Variants in FYB1 observed in about 807,000 individuals in gnomAD.
FYB1 encodes the protein FYN binding protein 1.
FYB1 carries 41 observed loss-of-function variants against 94.1 expected under a neutral mutation model. The ratio of observed to expected loss-of-function variants is 0.44; its 90% confidence interval spans 0.34 to 0.57. The LOEUF (loss-of-function observed/expected upper bound fraction) is 0.57. FYB1 is among the 20% of genes least tolerant of loss of function. The pLI is 0.02. For missense variants in FYB1, 1,050 were observed against 976.8 expected, an observed-to-expected ratio of 1.07 and a Z score of -1.00; for synonymous variants, 367 against 353.2, an observed-to-expected ratio of 1.04 and a Z score of -0.44.
At chr5:39,194,283 A>G (rs959892839) in intron 2 of FYB1, among the ~76,000 whole-genome samples, 15 of 152,160 alleles carry the variant, frequency 9.9e-5, no homozygotes, top group African/African-American at 3.6e-4. Flanking sequence ...CACTTTGGGA[A>G]GCTGAGGCAG....
rs552391177 is a variant in FYB1, at chr5:39,133,281, T to C, written c.1817+927A>G. 3.9e-5 allele frequency among the ~76,000 whole-genome samples: 6 copies of C among 152,312 alleles called. No homozygotes were observed. In the East Asian group the frequency reaches 9.6e-4, roughly 24 times the overall value. ...TGAAGAGCTAGCACAGATGATGTTTTTTGGGATCACAATGGAGGTTTCCTA... is the reference window on the plus strand; with the variant it reads ...TGAAGAGCTAGCACAGATGATGTTTCTTGGGATCACAATGGAGGTTTCCTA... On this transcript the variant is annotated intron_variant, in intron 9 of 18. Transcript: ENST00000512982.
At chr5:39,179,548 C>CT (rs11405241) in intron 2 of FYB1, among the ~76,000 whole-genome samples, 79,142 of 139,430 alleles carry the variant, frequency 0.57, 26,021 homozygotes, top group Non-Finnish European at 0.74. Context: ...CTTCTTTTTT[C>CT]TTTTTTTTTT....
rs748204232 is a variant in FYB1 at position 39,138,857 on chromosome 5, A to T, written c.1360-166T>A. 1.5e-4 allele frequency: 100 copies of T among 653,604 alleles called. No individual in the cohort carries two copies. In the African/African-American group the frequency reaches 1.6e-3, roughly 11 times the overall value. 40.5% of individuals were successfully genotyped at this position (653,604 alleles called of 1,614,324 possible). On this transcript the variant is annotated intron_variant, in intron 5 of 18. Coordinates refer to ENST00000512982, the MANE Select transcript of FYB1 (RefSeq NM_001465.6). ...ACTACTTAAAGGAGCCATACTGTGAATTATTTTTGAAAGAATAATTCAAAT... is the reference window on the plus strand; with the variant it reads ...ACTACTTAAAGGAGCCATACTGTGATTTATTTTTGAAAGAATAATTCAAAT...
intron 2 of FYB1, among the ~76,000 whole-genome samples, chr5:39,166,635 A>G (rs1744765344): frequency 6.6e-6 from 1 of 152,162 alleles, no homozygotes; most frequent in African/African-American, 2.4e-5. Context: ...TAAAAAAATA[A>G]AATTATGTCT....
intron 18 of FYB1, 144 bp downstream of exon 18, chr5:39,108,087 G>C (rs955552922): frequency 1.4e-6 from 1 of 697,294 alleles, no homozygotes; most frequent in Non-Finnish European, 2.3e-6. Context: ...CATTATGCCA[G>C]GGCATTTACC....
rs187961837 is a variant in FYB1, at chr5:39,177,980, T to C, written c.1135+23846A>G. Among the ~76,000 whole-genome samples the C allele has an allele frequency of 1.9e-3, 282 of 152,318 alleles. 5 individuals carry two copies. Among genetic ancestry groups the C allele is most frequent in the Admixed American group, 0.017 (253 of 15,300 alleles). On this transcript the variant is annotated intron_variant, in intron 2 of 18. Transcript: ENST00000512982. ...CTACTTCTGCTCTTGTACAGTAAAA[T>C]AGCTTTCCTGCAAACACAAAATATT... is the stretch of plus-strand genomic sequence containing the variant.
chr5:39,229,845 G>T lies in FYB1; in HGVS notation c.-27-26858C>A, dbSNP rs12109526. On this transcript the variant is annotated intron_variant, in intron 1 of 1. Transcript: ENST00000510188. ...TTAAATACACCCAGTGATTCTAAAA[G>T]CTGGCTTCACAAGAGAATAACCTGA... Among the ~76,000 whole-genome samples the T allele has an allele frequency of 6.5e-3, 990 of 152,266 alleles. 14 individuals carry two copies. Among genetic ancestry groups the T allele is most frequent in the African/African-American group, 0.023 (939 of 41,552 alleles).
intron 1 of FYB1, among the ~76,000 whole-genome samples, chr5:39,245,657 G>A (rs1751443688): frequency 6.6e-6 from 1 of 151,592 alleles, no homozygotes; most frequent in Admixed American, 6.6e-5. Flanking sequence ...GGAGTGCAGT[G>A]ATATGATCTC....
chr5:39,248,799 T>C (rs1298264838), intron 1 of FYB1, among the ~76,000 whole-genome samples: 3 of 152,126 alleles, frequency 2.0e-5, no homozygotes, highest in African/African-American at 4.8e-5. Context: ...ATCATGCCAC[T>C]GAACTCCAGC....
In FYB1 at chr5:39,202,773, G is replaced by A. The variant is rs755517005; in HGVS notation, c.188C>T (p.Pro63Leu). Reference protein sequence around the residue: ...NVPKFGSPKPPVAVKPSSEEK... With the variant: ...NVPKFGSPKPLVAVKPSSEEK... ...CTCAGAAGAAGGTTTGACTGCCACAGGTGGCTTTGGGGACCCAAACTTAGG... is the reference window on the plus strand; with the variant it reads ...CTCAGAAGAAGGTTTGACTGCCACAAGTGGCTTTGGGGACCCAAACTTAGG... Residue 63 changes from proline (P) to leucine (L), a missense_variant, in exon 2 of 19, where the codon CCT becomes CTT. Pro to Leu is a moderately conservative substitution (Grantham distance 98, BLOSUM62 -3). Transcript: ENST00000512982. 5 of 1,613,964 alleles carry A rather than the reference G, an allele frequency of 3.1e-6. No homozygotes were observed. The highest frequency in any genetic ancestry group is 4.2e-6 in the Non-Finnish European group (5 of 1,179,884).
At chr5:39,146,291 A>G (rs1742652923) in intron 3 of FYB1, among the ~76,000 whole-genome samples, 2 of 152,036 alleles carry the variant, frequency 1.3e-5, no homozygotes, top group Admixed American at 1.3e-4. Context: ...TAATCATTGC[A>G]TTGCTTCTCT....
At chr5:39,237,532 T>A (rs1305257441) in intron 1 of FYB1, among the ~76,000 whole-genome samples, 1 of 151,966 alleles carries the variant, frequency 6.6e-6, no homozygotes, top group Non-Finnish European at 1.5e-5. Flanking sequence ...CAATAAGATA[T>A]CATCATTTCT....
rs1046535725 is a variant in FYB1 at position 39,264,817 on chromosome 5, C to T, written c.-28+9586G>A. On this transcript the variant is annotated intron_variant, in intron 1 of 1. Coordinates refer to the FYB1 transcript ENST00000510188. ...CAGCCAGAGTAGAGAACTACTGCTT[C>T]AGCCTGAACATCCCCTCATCAGAGA... Among the ~76,000 whole-genome samples, 5 of 152,202 alleles carry T rather than the reference C, an allele frequency of 3.3e-5. No homozygotes were observed. The South Asian group carries it at 8.3e-4, about 25-fold the overall frequency.
chr5:39,252,668 A>G (rs1287273527), intron 1 of FYB1, among the ~76,000 whole-genome samples: 1 of 152,056 alleles, frequency 6.6e-6, no homozygotes, highest in Non-Finnish European at 1.5e-5. Flanking sequence ...TTTATGAAAC[A>G]GCAAGTTCTC....
chr5:39,235,442 C>G (rs1750917040), intron 1 of FYB1, among the ~76,000 whole-genome samples: 1 of 152,076 alleles, frequency 6.6e-6, no homozygotes, highest in South Asian at 2.1e-4. Context: ...GTTGTCCAAA[C>G]AGGGGCAGAG....
At chr5:39,191,046 TC>T (rs1216523632) in intron 2 of FYB1, among the ~76,000 whole-genome samples, 2 of 152,154 alleles carry the variant, frequency 1.3e-5, no homozygotes, top group Non-Finnish European at 2.9e-5. Flanking sequence ...GGTTTCTTTC[TC>T]CTCCCAATAA....
At chr5:39,175,078 T>A (rs1745597898) in intron 2 of FYB1, among the ~76,000 whole-genome samples, 2 of 152,094 alleles carry the variant, frequency 1.3e-5, no homozygotes, top group African/African-American at 4.8e-5. Context: ...TAAGCAAGAT[T>A]GACAAATAAA....
At chr5:39,156,579 A>G (rs1743778296) in intron 2 of FYB1, among the ~76,000 whole-genome samples, 1 of 152,246 alleles carries the variant, frequency 6.6e-6, no homozygotes, top group South Asian at 2.1e-4. Context: ...GCTTGGGAGA[A>G]CATATGCTGA....
At chr5:39,182,103 G>T (rs1369951801) in intron 2 of FYB1, among the ~76,000 whole-genome samples, 1 of 151,992 alleles carries the variant, frequency 6.6e-6, no homozygotes, top group Non-Finnish European at 1.5e-5. Flanking sequence ...TAAGCCCCAA[G>T]TCCTTAACAT....
Sources: gnomAD v4.1 joint callset for allele counts (sites outside exome capture counted in the v4.1 genomes callset) on GRCh38, gnomAD v4.1.1 for gene constraint, MANE v1.5 for transcripts, NCBI Gene and HGNC (gene_info 2026-07-23, HGNC 2026-07-21) for gene names.